Variants in PCDHA2 observed in about 807,000 individuals in gnomAD.
PCDHA2 encodes protocadherin alpha-2.
Under a neutral mutation model 66.0 loss-of-function variants are expected in PCDHA2, and 58 were observed. That is an observed-to-expected ratio of 0.88 (90% CI 0.71 to 1.09). PCDHA2 has a LOEUF of 1.09. Among genes scored for constraint, PCDHA2 ranks in the 50% least tolerant of loss-of-function variants. PCDHA2 has a pLI of 0.00. For synonymous variants in PCDHA2, 634 were observed against 554.0 expected (o/e 1.14, Z -2.03); for missense variants, 1,267 against 1,242.3 (o/e 1.02, Z -0.30).
chr5:140,887,242 G>A (rs1445154638), intron 1 of PCDHA2, among the ~76,000 whole-genome samples: 2 of 151,722 alleles, frequency 1.3e-5, no homozygotes, highest in African/African-American at 4.8e-5. Flanking sequence ...GACTACCGGC[G>A]CCCGCCACCA....
chr5:140,891,596 A>T (rs191602934), intron 1 of PCDHA2, among the ~76,000 whole-genome samples: 2 of 152,134 alleles, frequency 1.3e-5, no homozygotes, highest in African/African-American at 4.8e-5. Flanking sequence ...ACTCTATCCC[A>T]TCTATTTCTA....
chr5:140,829,686 A>C, intron 1 of PCDHA2: 1 of 1,613,286 alleles, frequency 6.2e-7, no homozygotes, highest in Non-Finnish European at 8.5e-7. Context: ...GAGCTGCTGC[A>C]GTTTCAGGTG....
At chr5:140,947,147 C>A (rs1025959771) in intron 1 of PCDHA2, among the ~76,000 whole-genome samples, 1 of 151,270 alleles carries the variant, frequency 6.6e-6, no homozygotes, top group African/African-American at 2.4e-5. Flanking sequence ...TGTATAGTTA[C>A]TTCCACGGGG....
chr5:140,796,061 G>A lies in PCDHA2; in HGVS notation c.1097G>A (p.Gly366Asp). The A allele has an allele frequency of 1.9e-6, 3 of 1,614,180 alleles. No homozygotes were observed. Among genetic ancestry groups the A allele is most frequent in the Non-Finnish European group, 2.5e-6 (3 of 1,180,042 alleles). ...CCCATCTCAGAGAACGCTTCCCTGG[G>A]CACTGTCATTGCTCTCATCACGGTG... ...SLPISENASLGTVIALITVSD... is the reference protein window; with the variant it reads ...SLPISENASLDTVIALITVSD... The change falls in exon 1 of 4, where the codon GGC becomes GAC. Residue 366 changes from glycine to aspartate, a missense_variant. Gly to Asp is a moderately conservative substitution (Grantham distance 94). Transcript: ENST00000526136.
chr5:140,862,621 C>T, intron 1 of PCDHA2: 1 of 528,720 alleles, frequency 1.9e-6, no homozygotes. Flanking sequence ...TAACAACCCG[C>T]GGGGCTGCCA....
intron 1 of PCDHA2, among the ~76,000 whole-genome samples, chr5:140,898,264 C>T (rs1360270871): frequency 6.6e-6 from 1 of 152,166 alleles, no homozygotes; most frequent in Non-Finnish European, 1.5e-5. Context: ...AGTCCTTGCC[C>T]ATGCCTAAGT....
At chr5:140,939,411 AT>A (rs797027145) in intron 1 of PCDHA2, among the ~76,000 whole-genome samples, 1 of 152,050 alleles carries the variant, frequency 6.6e-6, no homozygotes, top group East Asian at 1.9e-4. Context: ...GTAAATCAGC[AT>A]TTTTTTCTTC....
intron 1 of PCDHA2, among the ~76,000 whole-genome samples, chr5:140,906,736 AT>A (rs1330405649): frequency 6.6e-6 from 1 of 152,132 alleles, no homozygotes; most frequent in Non-Finnish European, 1.5e-5. Flanking sequence ...GTAGTTTCCC[AT>A]TGACACAGGG....
At chr5:140,968,473 G>A in intron 1 of PCDHA2, 1 of 1,614,098 alleles carries the variant, frequency 6.2e-7, no homozygotes. Flanking sequence ...ACGTATATGT[G>A]GTGGACATGA....
chr5:140,882,364 C>G (rs1582611912), intron 1 of PCDHA2: 13 of 1,614,244 alleles, frequency 8.1e-6, no homozygotes, highest in Non-Finnish European at 1.1e-5. Flanking sequence ...GCCAGCTCCA[C>G]TACTCCGTCC....
chr5:140,957,333 A>T (rs2095351211), intron 1 of PCDHA2, among the ~76,000 whole-genome samples: 1 of 152,164 alleles, frequency 6.6e-6, no homozygotes, highest in African/African-American at 2.4e-5. Context: ...GTACAGTAAG[A>T]TATTTTGAGA....
intron 1 of PCDHA2, among the ~76,000 whole-genome samples, chr5:140,839,736 C>T (rs1046330688): frequency 6.6e-6 from 1 of 151,778 alleles, no homozygotes; most frequent in African/African-American, 2.4e-5. Context: ...CAGAAAATAC[C>T]CTTATTTGCC....
chr5:140,874,929 G>A lies in PCDHA2; in HGVS notation c.2388+77577G>A, dbSNP rs1554167415. Among the ~76,000 whole-genome samples, 6 of 152,304 alleles carry A rather than the reference G, an allele frequency of 3.9e-5. 1 individual carries two copies. On this transcript the variant is annotated intron_variant, in intron 1 of 3. Transcript: ENST00000526136. ...GATGGAGTGCTTGTGAAGGTTAAAA[G>A]TTATTGAAACAGCGGAATTGTAAGC...
Position 140,796,125 on chromosome 5 carries a change from C to T in PCDHA2, c.1161C>T (p.Cys387=), listed in dbSNP as rs782297262. ...RDSGTNGHVT[C]SLTPHVPFKL... is the part of the protein sequence containing the mutation. ...CTGGTACGAATGGACATGTCACCTGCTCCCTGACGCCCCACGTCCCTTTCA... is the reference window on the plus strand; with the variant it reads ...CTGGTACGAATGGACATGTCACCTGTTCCCTGACGCCCCACGTCCCTTTCA... Residue 387 remains cysteine (C), a synonymous_variant, in exon 1 of 4, where the codon TGC becomes TGT. Coordinates refer to ENST00000526136, the MANE Select transcript of PCDHA2 (RefSeq NM_018905.3). The T allele has an allele frequency of 1.9e-6, 3 of 1,614,240 alleles. No individual in the cohort carries two copies. The highest frequency in any genetic ancestry group is 2.5e-6 in the Non-Finnish European group (3 of 1,180,038).
At chr5:140,927,259 C>G (rs1262444613) in intron 1 of PCDHA2, 5 of 1,614,042 alleles carry the variant, frequency 3.1e-6, no homozygotes, top group Non-Finnish European at 3.4e-6. Flanking sequence ...CAACTCACCT[C>G]TCTTTCCTGC....
chr5:140,914,288 T>C (rs2076666061), intron 1 of PCDHA2, among the ~76,000 whole-genome samples: 1 of 152,210 alleles, frequency 6.6e-6, no homozygotes, highest in African/African-American at 2.4e-5. Flanking sequence ...ATAATTGTTA[T>C]ATCCTCTTGC....
At chr5:140,956,924 G>A (rs2095321295) in intron 1 of PCDHA2, among the ~76,000 whole-genome samples, 2 of 151,898 alleles carry the variant, frequency 1.3e-5, no homozygotes, top group Non-Finnish European at 2.9e-5. Flanking sequence ...TAATCTTGCT[G>A]GATATAGGAT....
intron 1 of PCDHA2, chr5:140,841,828 C>A: frequency 6.2e-7 from 1 of 1,613,892 alleles, no homozygotes; most frequent in Middle Eastern, 1.6e-4. Context: ...CCGTGTTAAC[C>A]TACAGGCTTA....
intron 1 of PCDHA2, chr5:140,808,155 T>G: frequency 1.2e-6 from 2 of 1,614,186 alleles, no homozygotes; most frequent in Non-Finnish European, 1.7e-6. Context: ...GTAGAGGGCA[T>G]TGATAAGGGA....
Sources: gnomAD v4.1 joint callset for allele counts (sites outside exome capture counted in the v4.1 genomes callset) on GRCh38, gnomAD v4.1.1 for gene constraint, MANE v1.5 for transcripts, NCBI Gene and HGNC (gene_info 2026-07-23, HGNC 2026-07-21) for gene names.